Variants in ARHGAP24 observed in about 807,000 individuals in gnomAD.
ARHGAP24 encodes rho GTPase-activating protein 24.
A neutral mutation model predicts 76.4 loss-of-function variants in ARHGAP24; 50 were observed. The ratio of observed to expected loss-of-function variants is 0.65; its 90% CI spans 0.52 to 0.83. The LOEUF is 0.83. Ranked by LOEUF, ARHGAP24 falls within the 40% of genes least tolerant of loss-of-function variation. ARHGAP24 has a pLI of 0.00. For missense variants in ARHGAP24, 930 were observed against 914.2 expected, an observed-to-expected ratio of 1.02 and a Z score of -0.22; for synonymous variants, 345 against 323.3, an observed-to-expected ratio of 1.07 and a Z score of -0.72.
intron 1 of ARHGAP24, among the ~76,000 whole-genome samples, chr4:85,519,768 G>T (rs1724665143): frequency 6.6e-6 from 1 of 151,972 alleles, no homozygotes; most frequent in Non-Finnish European, 1.5e-5. Flanking sequence ...TGTGTTAAAT[G>T]GTCTTTTACT....
intron 3 of ARHGAP24, among the ~76,000 whole-genome samples, chr4:85,769,911 G>GTATT (rs1324881020): frequency 1.3e-5 from 2 of 152,026 alleles, no homozygotes; most frequent in Non-Finnish European, 2.9e-5. Flanking sequence ...CTTAAGAATA[G>GTATT]TATTGGTGAG....
chr4:85,813,053 G>A (rs572030193), intron 3 of ARHGAP24, among the ~76,000 whole-genome samples: 1 of 152,270 alleles, frequency 6.6e-6, no homozygotes, highest in African/African-American at 2.4e-5. Flanking sequence ...GCCTTCTTCT[G>A]AGTTTATTTT....
chr4:85,587,662 C>T (rs1161262), intron 2 of ARHGAP24, among the ~76,000 whole-genome samples: 132,190 of 152,180 alleles, frequency 0.87, 58,036 homozygotes, highest in East Asian at 0.98. Flanking sequence ...CTAATCATGC[C>T]GTGTTTTAAT....
intron 2 of ARHGAP24, among the ~76,000 whole-genome samples, chr4:85,595,029 G>T (rs1719752093): frequency 6.6e-6 from 1 of 150,824 alleles, no homozygotes; most frequent in Non-Finnish European, 1.5e-5. Flanking sequence ...TCACCATATT[G>T]CTATTCTACA....
chr4:85,719,945 GCCATTTATA>G, intron 2 of ARHGAP24, among the ~76,000 whole-genome samples: 2 of 152,108 alleles, frequency 1.3e-5, no homozygotes, highest in African/African-American at 4.8e-5. Flanking sequence ...GGAGCATGCT[GCCATTTATA>G]GAAGGGTAGT....
intron 1 of ARHGAP24, among the ~76,000 whole-genome samples, chr4:85,488,278 G>A (rs1277977597): frequency 6.6e-6 from 1 of 151,898 alleles, no homozygotes; most frequent in Non-Finnish European, 1.5e-5. Context: ...GGAAAAGGGA[G>A]GTGTAATTTA....
At chr4:85,640,961 A>G (rs997169653) in intron 2 of ARHGAP24, among the ~76,000 whole-genome samples, 2 of 152,184 alleles carry the variant, frequency 1.3e-5, no homozygotes, top group Non-Finnish European at 2.9e-5. Context: ...AATTCATTTG[A>G]CAAATCCAAA....
At chr4:85,642,098 C>A in intron 2 of ARHGAP24, among the ~76,000 whole-genome samples, 1 of 152,056 alleles carries the variant, frequency 6.6e-6, no homozygotes. Context: ...GACCTACAAT[C>A]AGACAAGGCA....
At chr4:85,677,127 A>G (rs1723011456) in intron 2 of ARHGAP24, among the ~76,000 whole-genome samples, 1 of 152,240 alleles carries the variant, frequency 6.6e-6, no homozygotes, top group South Asian at 2.1e-4. Flanking sequence ...TGAATCAAGT[A>G]GCTTTGATTA....
chr4:85,869,398 G>T (rs1445899736), intron 3 of ARHGAP24, among the ~76,000 whole-genome samples: 1 of 152,142 alleles, frequency 6.6e-6, no homozygotes, highest in African/African-American at 2.4e-5. Context: ...CTTGGCAGGG[G>T]ACTGTGATTT....
At chr4:85,777,524 T>A (rs1727351308) in intron 3 of ARHGAP24, among the ~76,000 whole-genome samples, 1 of 152,202 alleles carries the variant, frequency 6.6e-6, no homozygotes, top group Non-Finnish European at 1.5e-5. Context: ...TTGGTTTACT[T>A]GATCTGGGCA....
Position 85,902,900 on chromosome 4 carries a change from G to A in ARHGAP24, c.269-20748G>A, listed in dbSNP as rs539159819. 2.2e-3 allele frequency among the ~76,000 whole-genome samples: 329 copies of A among 152,294 alleles called. 5 individuals are homozygous for A. The highest frequency in any genetic ancestry group is 3.2e-4 in the Non-Finnish European group (22 of 68,030). ...ATTACTGGCGTGAGCCACTGCGCCC[G>A]GCCACAAGATGCAACCACAGTTTTG... is the stretch of plus-strand genomic sequence containing the variant. On this transcript the variant is annotated intron_variant, in intron 3 of 9. Transcript: ENST00000395184.
At chr4:85,627,225 T>C (rs1469456556) in intron 2 of ARHGAP24, among the ~76,000 whole-genome samples, 1 of 152,206 alleles carries the variant, frequency 6.6e-6, no homozygotes, top group Non-Finnish European at 1.5e-5. Flanking sequence ...TGGTCTTTGA[T>C]GATGGTGACG....
At chr4:85,619,868 A>G (rs1720659880) in intron 2 of ARHGAP24, among the ~76,000 whole-genome samples, 1 of 151,922 alleles carries the variant, frequency 6.6e-6, no homozygotes, top group African/African-American at 2.4e-5. Context: ...TTTTATTATC[A>G]TGAAATGATC....
At chr4:85,625,946 T>A (rs1466789705) in intron 2 of ARHGAP24, among the ~76,000 whole-genome samples, 2 of 152,216 alleles carry the variant, frequency 1.3e-5, no homozygotes, top group African/African-American at 4.8e-5. Flanking sequence ...CATCCCTTTA[T>A]TTTGAGCCTA....
intron 3 of ARHGAP24, among the ~76,000 whole-genome samples, chr4:85,790,514 AC>A (rs1361104238): frequency 6.6e-6 from 1 of 152,210 alleles, no homozygotes; most frequent in Non-Finnish European, 1.5e-5. Flanking sequence ...TTCAATTTAT[AC>A]CTGAAATACA....
At chr4:85,933,764 T>G (rs540873135) in intron 4 of ARHGAP24, among the ~76,000 whole-genome samples, 2 of 152,318 alleles carry the variant, frequency 1.3e-5, no homozygotes, top group South Asian at 4.1e-4. Flanking sequence ...TCTGAGCACT[T>G]GGGTCTAGTC....
chr4:85,699,396 C>T (rs1207096665), intron 2 of ARHGAP24, among the ~76,000 whole-genome samples: 1 of 152,104 alleles, frequency 6.6e-6, no homozygotes, highest in Non-Finnish European at 1.5e-5. Context: ...GCGTTTGAGA[C>T]CAGCCTGGTC....
intron 2 of ARHGAP24, among the ~76,000 whole-genome samples, chr4:85,674,629 C>T (rs1484557712): frequency 6.6e-6 from 1 of 152,152 alleles, no homozygotes; most frequent in Non-Finnish European, 1.5e-5. Flanking sequence ...GTCATTTTAA[C>T]TCCAAGTCCT....
Sources: gnomAD v4.1 joint callset for allele counts (sites outside exome capture counted in the v4.1 genomes callset) on GRCh38, gnomAD v4.1.1 for gene constraint, MANE v1.5 for transcripts, NCBI Gene and HGNC (gene_info 2026-07-23, HGNC 2026-07-21) for gene names.